Variants in DCAF8L2 observed in about 807,000 individuals in gnomAD.
The protein encoded by DCAF8L2 is DDB1 and CUL4 associated factor 8 like 2, also known as DDB1- and CUL4-associated factor 8-like protein 2.
For synonymous variants in DCAF8L2, 200 were observed against 190.9 expected (o/e 1.05, Z -0.39); for missense variants, 430 against 490.7 (o/e 0.88, Z 1.17).
At chrX:27,573,087 T>C in the DCAF8L2 span, among the ~76,000 whole-genome samples, 1 of 110,863 alleles carries the variant, frequency 9.0e-6, no homozygotes, top group African/African-American at 3.3e-5. Flanking sequence ...ATTTTAGAAA[T>C]ATGTAAATAT....
At chrX:27,517,863 C>T in the DCAF8L2 span, 2 of 1,073,670 alleles carry the variant, frequency 1.9e-6, no homozygotes, top group South Asian at 3.7e-5. Context: ...ACATTCTCAG[C>T]ATGAAGAACA....
chrX:27,627,621 CACA>C (rs1569164803), intron 1 of DCAF8L2, among the ~76,000 whole-genome samples: 151 of 107,807 alleles, frequency 1.4e-3, no homozygotes, highest in Admixed American at 0.013. Context: ...ATGGGCCGGG[CACA>C]GTGTCTCATG....
chrX:27,655,335 G>A (rs1052280298), intron 2 of DCAF8L2, among the ~76,000 whole-genome samples: 2 of 112,209 alleles, frequency 1.8e-5, no homozygotes, highest in Non-Finnish European at 3.8e-5. Context: ...AGCTTCCAAA[G>A]CAATAGTCAT....
At chrX:27,686,826 G>A (rs6628301) in intron 3 of DCAF8L2, among the ~76,000 whole-genome samples, 1 of 111,959 alleles carries the variant, frequency 8.9e-6, no homozygotes, top group South Asian at 3.7e-4. Context: ...ATTTTTCTAC[G>A]GACTGGGTAG....
chrX:27,546,552 GC>G, the DCAF8L2 span, among the ~76,000 whole-genome samples: 1 of 112,482 alleles, frequency 8.9e-6, no homozygotes, highest in South Asian at 3.7e-4. Context: ...TAAGGGGCCT[GC>G]TCCTCCAGCA....
At chrX:27,712,742 G>T (rs1185881964) in intron 3 of DCAF8L2, 1 of 111,595 alleles carries the variant, frequency 9.0e-6, no homozygotes. Context: ...AGAGCCCCAG[G>T]TATTTGGGTT....
chrX:27,641,875 T>G (rs922517189), intron 2 of DCAF8L2, among the ~76,000 whole-genome samples: 1 of 101,051 alleles, frequency 9.9e-6, no homozygotes, highest in African/African-American at 3.5e-5. Flanking sequence ...TCAAGCAGTT[T>G]GATAAGGGTA....
At chrX:27,688,210 A>C (rs758704136) in intron 3 of DCAF8L2, among the ~76,000 whole-genome samples, 1 of 112,020 alleles carries the variant, frequency 8.9e-6, no homozygotes, top group African/African-American at 3.2e-5. Context: ...ATGATGATGA[A>C]GTTTAGCATC....
At chrX:27,577,867 G>C in the DCAF8L2 span, among the ~76,000 whole-genome samples, 1 of 111,444 alleles carries the variant, frequency 9.0e-6, no homozygotes, top group Non-Finnish European at 1.9e-5. Flanking sequence ...TTCTCAAGGA[G>C]AACTACAAAC....
At chrX:27,578,732 A>C in the DCAF8L2 span, among the ~76,000 whole-genome samples, 1 of 111,629 alleles carries the variant, frequency 9.0e-6, no homozygotes, top group Non-Finnish European at 1.9e-5. Context: ...CCCATTAAAA[A>C]GTGGGCAAGG....
chrX:27,518,851 A>C, the DCAF8L2 span: 8 of 549,854 alleles, frequency 1.5e-5, no homozygotes, highest in Non-Finnish European at 2.6e-5. Context: ...GCATGATGAC[A>C]AGTTGACATC....
At chrX:27,517,976 G>A in the DCAF8L2 span, 1 of 1,182,464 alleles carries the variant, frequency 8.5e-7, no homozygotes, top group Non-Finnish European at 1.1e-6. Context: ...TATGTAGACA[G>A]CAAAGGTTAT....
chrX:27,555,405 G>A, the DCAF8L2 span, among the ~76,000 whole-genome samples: 1 of 111,716 alleles, frequency 9.0e-6, no homozygotes, highest in Non-Finnish European at 1.9e-5. Flanking sequence ...TTCTGACATT[G>A]GCCTTTTCAA....
chrX:27,470,648 C>G, the DCAF8L2 span, among the ~76,000 whole-genome samples: 1 of 111,828 alleles, frequency 8.9e-6, no homozygotes, highest in South Asian at 3.7e-4. Flanking sequence ...CCACTTGGCT[C>G]TATTTTAAAT....
chrX:27,501,488 T>A, the DCAF8L2 span, among the ~76,000 whole-genome samples: 8 of 111,676 alleles, frequency 7.2e-5, no homozygotes, highest in Non-Finnish European at 1.5e-4. Context: ...GTATATGTTT[T>A]ACCAGTGTTA....
At chrX:27,740,330 G>A (rs1921775207) in intron 4 of DCAF8L2, among the ~76,000 whole-genome samples, 1 of 111,737 alleles carries the variant, frequency 8.9e-6, no homozygotes, top group Non-Finnish European at 1.9e-5. Flanking sequence ...GTTTAAGCCA[G>A]TTTAATTTCT....
chrX:27,522,296 G>T, the DCAF8L2 span, among the ~76,000 whole-genome samples: 1 of 112,203 alleles, frequency 8.9e-6, no homozygotes, highest in Non-Finnish European at 1.9e-5. Flanking sequence ...CAAAGTGCTA[G>T]GATTACAGGC....
Position 27,615,096 on chromosome X carries a change from G to A in DCAF8L2, c.-341-16783G>A, listed in dbSNP as rs969326201. Among the ~76,000 whole-genome samples, 23 of 103,047 alleles carry A rather than the reference G, an allele frequency of 2.2e-4. 1 individual carries two copies. The highest frequency in any genetic ancestry group is 4.0e-5 in the Non-Finnish European group (2 of 50,522). The allele number at this position is 103,047 out of a possible 115,157, so 89.5% of individuals were successfully genotyped here. A position where few individuals can be genotyped will look rare whatever the true frequency, so the allele number is the denominator to read the frequency against. The stretch of plus-strand genomic sequence containing the variant: ...CAATGATGCTAGAGGTTTCAGTGGT[G>A]GGGAAAGATGTGTGAGAGAAAAGGA... On this transcript the variant is annotated intron_variant, in intron 1 of 4. Transcript: ENST00000451261.
intron 2 of DCAF8L2, among the ~76,000 whole-genome samples, chrX:27,649,427 C>A (rs1929066610): frequency 8.9e-6 from 1 of 112,167 alleles, no homozygotes; most frequent in Non-Finnish European, 1.9e-5. Context: ...TTCCCATCAA[C>A]AGTATGTAAA....
Sources: gnomAD v4.1 joint callset for allele counts (sites outside exome capture counted in the v4.1 genomes callset) on GRCh38, gnomAD v4.1.1 for gene constraint, MANE v1.5 for transcripts, NCBI Gene and HGNC (gene_info 2026-07-23, HGNC 2026-07-21) for gene names.